The following MTRF1 variants were observed in gnomAD, a reference collection of about 807,000 sequenced individuals.
MTRF1 encodes mitochondrial translation release factor 1.
In MTRF1, 51 loss-of-function variants were observed where a neutral mutation model predicts 62.9. That is an observed-to-expected ratio of 0.81 (90% CI 0.65 to 1.02). The LOEUF (loss-of-function observed/expected upper bound fraction) is 1.02. MTRF1 is among the 50% of genes least tolerant of loss of function. The pLI is 0.00. For missense variants in MTRF1, 446 were observed against 530.0 expected, an observed-to-expected ratio of 0.84 and a Z score of 1.56; for synonymous variants, 158 against 181.9, an observed-to-expected ratio of 0.87 and a Z score of 1.06.
chr13:41,241,757 A>T (rs1302437318), intron 5 of MTRF1, among the ~76,000 whole-genome samples: 1 of 152,200 alleles, frequency 6.6e-6, no homozygotes, highest in Non-Finnish European at 1.5e-5. Flanking sequence ...CTGTTTTTGC[A>T]GACTGCATAT....
chr13:41,220,323 G>GAAAAAAAAAAAAAAAA (rs1555243201), intron 9 of MTRF1, among the ~76,000 whole-genome samples: 1 of 93,326 alleles, frequency 1.1e-5, no homozygotes. Flanking sequence ...AATCTGTCTC[G>GAAAAAAAAAAAAAAAA]GAAAAAAAAA....
chr13:41,248,575 G>A (rs912868180), intron 5 of MTRF1, among the ~76,000 whole-genome samples: 1 of 152,234 alleles, frequency 6.6e-6, no homozygotes, highest in Non-Finnish European at 1.5e-5. Context: ...AGTTCCCACT[G>A]TATGGTCTGA....
chr13:41,309,341 AGTGT>A, the MTRF1 span, among the ~76,000 whole-genome samples: 45,057 of 135,364 alleles, frequency 0.33, 8,330 homozygotes, highest in Middle Eastern at 0.47. Flanking sequence ...ATGCCCAGCT[AGTGT>A]GTGTGTGTGT....
the MTRF1 span, among the ~76,000 whole-genome samples, chr13:41,290,390 C>T: frequency 5.9e-3 from 771 of 130,978 alleles, 24 homozygotes; most frequent in Admixed American, 0.057. Flanking sequence ...TGAGCCACCA[C>T]ACCCAGCCTT....
the MTRF1 span, among the ~76,000 whole-genome samples, chr13:41,291,302 C>T: frequency 5.7e-4 from 87 of 151,964 alleles, 1 homozygote; most frequent in East Asian, 0.013. Context: ...CTCAGCCTCC[C>T]GAGTAGCTGG....
At chr13:41,251,972 C>T (rs1292310527) in intron 5 of MTRF1, among the ~76,000 whole-genome samples, 1 of 152,024 alleles carries the variant, frequency 6.6e-6, no homozygotes, top group Non-Finnish European at 1.5e-5. Flanking sequence ...CTCCCCATCC[C>T]GGGTTCAAGC....
chr13:41,220,722 A>ATCAATTTCAT (rs1222052873), intron 9 of MTRF1: 2 of 609,432 alleles, frequency 3.3e-6, no homozygotes, highest in Non-Finnish European at 5.3e-6. Context: ...TTCTCTGTGT[A>ATCAATTTCAT]TCAATTTCAT....
intron 7 of MTRF1, 56 bp downstream of exon 7, chr13:41,233,834 A>G: frequency 7.2e-7 from 1 of 1,383,218 alleles, no homozygotes; most frequent in Middle Eastern, 1.8e-4. Context: ...TTTCCTTCCA[A>G]ATGCTGAGTA....
At chr13:41,223,190 G>T (rs976609068) in intron 9 of MTRF1, 66 bp downstream of exon 9, 3 of 1,129,120 alleles carry the variant, frequency 2.7e-6, no homozygotes, top group African/African-American at 1.5e-5. Context: ...CTACATATAT[G>T]TTCTAGAATT....
the MTRF1 span, chr13:41,287,791 G>T: frequency 8.7e-6 from 2 of 230,832 alleles, no homozygotes; most frequent in South Asian, 6.2e-5. Flanking sequence ...GGTGGGCAGA[G>T]AACTGCTCAG....
At chr13:41,229,752 A>G (rs2035168556) in intron 7 of MTRF1, 1 of 152,224 alleles carries the variant, frequency 6.6e-6, no homozygotes, top group Non-Finnish European at 1.5e-5. Flanking sequence ...GGTGAAACAC[A>G]TTAAGTATTC....
At chr13:41,303,111 TTTTTA>T in the MTRF1 span, among the ~76,000 whole-genome samples, 1 of 152,042 alleles carries the variant, frequency 6.6e-6, no homozygotes, top group African/African-American at 2.4e-5. Context: ...TTTTGATTTA[TTTTTA>T]TTTTATATGT....
the MTRF1 span, among the ~76,000 whole-genome samples, chr13:41,283,582 A>G: frequency 1.8e-5 from 1 of 54,286 alleles, no homozygotes; most frequent in African/African-American, 7.3e-5. Context: ...GAGCTCTGAC[A>G]ATCTTTTTTT....
the MTRF1 span, chr13:41,311,303 A>T: frequency 3.7e-6 from 2 of 545,160 alleles, no homozygotes; most frequent in Non-Finnish European, 6.4e-6. Flanking sequence ...CCGCTGGCCA[A>T]AAAGCGGAGC....
the MTRF1 span, among the ~76,000 whole-genome samples, chr13:41,306,925 A>T: frequency 1.3e-5 from 2 of 152,236 alleles, no homozygotes; most frequent in Admixed American, 1.3e-4. Context: ...CTGCTGTGAA[A>T]CACATTATCA....
chr13:41,231,164 A>G (rs2138806770), intron 7 of MTRF1, among the ~76,000 whole-genome samples: 1 of 152,346 alleles, frequency 6.6e-6, no homozygotes, highest in Non-Finnish European at 1.5e-5. Flanking sequence ...AAGAATGGTA[A>G]ATGACTTAGC....
chr13:41,311,448 G>A, the MTRF1 span: 3 of 1,394,048 alleles, frequency 2.2e-6, no homozygotes, highest in Admixed American at 4.0e-5. Context: ...GCAGCGGTTC[G>A]TCCCGGTGCC....
chr13:41,298,505 C>T, the MTRF1 span, among the ~76,000 whole-genome samples: 6 of 152,324 alleles, frequency 3.9e-5, no homozygotes, highest in Non-Finnish European at 4.4e-5. Context: ...TTTAGCAAAG[C>T]TTTGGCAGTA....
At chr13:41,248,129 C>T (rs2038527017) in intron 5 of MTRF1, among the ~76,000 whole-genome samples, 1 of 152,078 alleles carries the variant, frequency 6.6e-6, no homozygotes, top group South Asian at 2.1e-4. Context: ...CTACACACTC[C>T]CCTTCACTCG....
Sources: gnomAD v4.1 joint callset for allele counts (sites outside exome capture counted in the v4.1 genomes callset) on GRCh38, gnomAD v4.1.1 for gene constraint, MANE v1.5 for transcripts, NCBI Gene and HGNC (gene_info 2026-07-23, HGNC 2026-07-21) for gene names.